Variants in CPNE9 observed in about 807,000 individuals in gnomAD.
CPNE9 encodes the protein copine family member 9.
Under a neutral mutation model 83.0 loss-of-function variants are expected in CPNE9, and 59 were observed. That is an observed-to-expected ratio of 0.71 (90% CI 0.58 to 0.88). CPNE9 has a LOEUF of 0.88. Ranked by LOEUF, CPNE9 falls within the 40% of genes least tolerant of loss-of-function variation. The pLI, the probability that CPNE9 is intolerant of heterozygous loss-of-function variation, is 0.00. For synonymous variants in CPNE9, 256 were observed against 273.4 expected, an observed-to-expected ratio of 0.94 and a Z score of 0.63; for missense variants, 619 against 720.8, an observed-to-expected ratio of 0.86 and a Z score of 1.62.
At chr3:9,717,026 C>T in intron 14 of CPNE9, 32 bp from the exon 15 acceptor site, 4 of 1,609,286 alleles carry the variant, frequency 2.5e-6, no homozygotes, top group Non-Finnish European at 3.4e-6. Context: ...TCATTAGTTC[C>T]TCACTTCTCA....
intron 16 of CPNE9, 103 bp from the exon 17 acceptor site, chr3:9,718,372 G>T: frequency 2.0e-6 from 3 of 1,487,266 alleles, no homozygotes; most frequent in Admixed American, 3.7e-5. Flanking sequence ...TTGGAGGGGA[G>T]CATGAAAGGG....
chr3:9,728,776 C>T (rs534936694), intron 20 of CPNE9, among the ~76,000 whole-genome samples: 2 of 151,384 alleles, frequency 1.3e-5, no homozygotes, highest in African/African-American at 4.9e-5. Flanking sequence ...CATTTCTTCT[C>T]CTCTCCCTAA....
intron 7 of CPNE9, among the ~76,000 whole-genome samples, chr3:9,709,080 C>A (rs1000165686): frequency 6.6e-6 from 1 of 150,774 alleles, no homozygotes; most frequent in African/African-American, 2.4e-5. Context: ...TCCAGACCAG[C>A]CTGGCCAAAA....
rs775907745 is a variant in CPNE9 at position 9,705,971 on chromosome 3, T to C, written c.301-16T>C. ...CTCAAGAGCTTCTGGTCTTGCTGAC[T>C]CCTTGTCCTGCATAGGATTTCCTGG... is the stretch of plus-strand genomic sequence containing the variant. On this transcript the variant is annotated splice_polypyrimidine_tract_variant and intron_variant, in intron 6 of 20. Transcript: ENST00000383832. The C allele has an allele frequency of 1.9e-6, 3 of 1,612,626 alleles. No individual in the cohort carries two copies. The South Asian group carries it at 3.3e-5, about 18-fold the overall frequency.
Position 9,715,378 on chromosome 3 carries a change from C to G in CPNE9, c.768+14C>G, listed in dbSNP as rs1201063905. ...ACAGTATATGAGGTGAGCATTCCAG[C>G]CCTGCCCAGGTCACCCAGGCCCTCC... is the stretch of plus-strand genomic sequence containing the variant. On this transcript the variant is annotated intron_variant, in intron 12 of 20. Coordinates refer to ENST00000383832, the MANE Select transcript of CPNE9 (RefSeq NM_153635.3). The G allele has an allele frequency of 2.5e-6, 4 of 1,614,096 alleles. No individual in the cohort carries two copies. Among genetic ancestry groups the G allele is most frequent in the Non-Finnish European group, 3.4e-6 (4 of 1,179,906 alleles).
At chr3:9,716,662 C>A (rs780975706) in intron 14 of CPNE9, among the ~76,000 whole-genome samples, 2 of 151,972 alleles carry the variant, frequency 1.3e-5, no homozygotes, top group African/African-American at 4.8e-5. Context: ...AGTAGAGATG[C>A]GGTTTCCCCA....
intron 7 of CPNE9, among the ~76,000 whole-genome samples, chr3:9,711,018 C>A (rs1400713063): frequency 1.3e-5 from 2 of 151,550 alleles, no homozygotes; most frequent in Non-Finnish European, 2.9e-5. Flanking sequence ...AATAGTGAGA[C>A]CCCAACTCTT....
chr3:9,705,200 C>A (rs1443556936), intron 4 of CPNE9, among the ~76,000 whole-genome samples: 1 of 152,114 alleles, frequency 6.6e-6, no homozygotes, highest in African/African-American at 2.4e-5. Context: ...GCCCACAACT[C>A]TGCTCCTATC....
intron 7 of CPNE9, among the ~76,000 whole-genome samples, chr3:9,706,659 T>C (rs534238520): frequency 4.6e-5 from 7 of 152,252 alleles, no homozygotes; most frequent in Middle Eastern, 3.4e-3. Flanking sequence ...CAATATTAAG[T>C]GCTATGGGGA....
At chr3:9,707,221 T>C (rs1220163687) in intron 7 of CPNE9, among the ~76,000 whole-genome samples, 1 of 151,442 alleles carries the variant, frequency 6.6e-6, no homozygotes, top group Admixed American at 6.6e-5. Flanking sequence ...GGCATGGTGG[T>C]GGGTGCCTGT....
intron 7 of CPNE9, among the ~76,000 whole-genome samples, chr3:9,709,989 CA>C (rs542047036): frequency 9.3e-3 from 530 of 57,242 alleles, no homozygotes; most frequent in Middle Eastern, 0.016. Flanking sequence ...GACTCCATCT[CA>C]AAAAAAAAAA....
At chr3:9,711,576 G>C (rs1431236443) in intron 7 of CPNE9, among the ~76,000 whole-genome samples, 1 of 152,138 alleles carries the variant, frequency 6.6e-6, no homozygotes, top group Non-Finnish European at 1.5e-5. Context: ...AAGAGTCAAA[G>C]ATCAAAGGAG....
In CPNE9 at chr3:9,714,955, G is replaced by A. The variant is rs766825893; in HGVS notation, c.692G>A (p.Ser231Asn). Residue 231 changes from serine (S) to asparagine (N), a missense_variant and splice_region_variant, in exon 11 of 21, where the codon AGC becomes AAC. Ser to Asn is a conservative substitution (Grantham distance 46). Coordinates refer to ENST00000383832, the MANE Select transcript of CPNE9 (RefSeq NM_153635.3). ...GTGTACGACTGGGACCGGGATGGAA[G>A]GTAGAACTGCCCCACATGGTCCCTT... ...IDVYDWDRDG[S>N]HDFIGEFTTS... is the part of the protein sequence containing the mutation. The A allele has an allele frequency of 8.7e-6, 14 of 1,613,526 alleles. No homozygotes were observed. The highest frequency in any genetic ancestry group is 1.7e-6 in the Non-Finnish European group (2 of 1,179,594).
In CPNE9 at chr3:9,718,065, G is replaced by C; in HGVS notation, c.968G>C (p.Ser323Thr). The change falls in exon 16 of 21, where the codon AGT becomes ACT. Residue 323 changes from serine (S) to threonine (T), a missense_variant. Around this residue, in one of 3 missense-constraint regions of CPNE9, gnomAD observed 438 missense variants for 562.9 expected, o/e 0.78. Transcript: ENST00000383832. Reference sequence around the variant, plus strand: ...CAGCCTACCTCCCTGCACTACATGAGTCCCTACCAGCTCAGCGCCTATGCC... The same window carrying C: ...CAGCCTACCTCCCTGCACTACATGACTCCCTACCAGCTCAGCGCCTATGCC... ...PLQPTSLHYM[S>T]PYQLSAYAMA... 2 of 1,614,012 alleles carry C rather than the reference G, an allele frequency of 1.2e-6. No individual in the cohort carries two copies. The highest frequency in any genetic ancestry group is 1.7e-6 in the Non-Finnish European group (2 of 1,179,934).
In CPNE9 at chr3:9,704,109, CA is replaced by C. The variant is rs1478754040; in HGVS notation, c.68+46del. The C allele has an allele frequency of 7.7e-6, 12 of 1,549,988 alleles. No individual in the cohort carries two copies. Among genetic ancestry groups the C allele is most frequent in the Non-Finnish European group, 9.6e-6 (11 of 1,140,098 alleles). Reference sequence around the variant, plus strand: ...GAGGGCTTAGGCACTGGCACTGCCCCAGCCCCAGCCAGCCGCGGGGCTCAGC... The same window carrying C: ...GAGGGCTTAGGCACTGGCACTGCCCCGCCCCAGCCAGCCGCGGGGCTCAGC... On this transcript the variant is annotated intron_variant, in intron 1 of 20. Coordinates refer to ENST00000383832, the MANE Select transcript of CPNE9 (RefSeq NM_153635.3). The surrounding 1 kb of genome is among the most constrained non-coding windows in gnomAD (Gnocchi z 7.1).
At chr3:9,712,456 C>T (rs967049401) in intron 7 of CPNE9, 85 bp from the exon 8 acceptor site, 1 of 1,079,976 alleles carries the variant, frequency 9.3e-7, no homozygotes, top group Non-Finnish European at 1.4e-6. Flanking sequence ...AACTGAATCC[C>T]CTGGCCCACC....
chr3:9,716,155 A>T, intron 14 of CPNE9, 120 bp downstream of exon 14: 3 of 844,242 alleles, frequency 3.6e-6, no homozygotes, highest in Non-Finnish European at 5.7e-6. Context: ...ATAAACTTTA[A>T]AACACTTGGC....
intron 17 of CPNE9, among the ~76,000 whole-genome samples, chr3:9,719,356 T>A (rs1394200403): frequency 6.6e-6 from 1 of 152,078 alleles, no homozygotes; most frequent in East Asian, 1.9e-4. Context: ...CTAACCCCAC[T>A]GCCTGAGAAT....
intron 13 of CPNE9, 141 bp from the exon 14 acceptor site, chr3:9,715,833 A>T (rs917779328): frequency 1.5e-6 from 1 of 680,384 alleles, no homozygotes; most frequent in Admixed American, 2.9e-5. Context: ...GAAGTTGAAC[A>T]GGGTGGGACT....
Sources: allele counts gnomAD v4.1 joint callset (sites outside exome capture counted in the v4.1 genomes callset), GRCh38; gene constraint gnomAD v4.1.1; regional missense constraint gnomAD v4.1.1; non-coding constraint Gnocchi (gnomAD v3.1); transcripts MANE v1.5; gene names NCBI Gene and HGNC (gene_info 2026-07-23, HGNC 2026-07-21).